SNTG1: variants seen among roughly 807,000 people sequenced by gnomAD.
SNTG1 encodes the protein syntrophin gamma 1.
Under a neutral mutation model 74.7 loss-of-function variants are expected in SNTG1, and 39 were observed. The ratio of observed to expected loss-of-function variants is 0.52; its 90% confidence interval spans 0.40 to 0.68. The LOEUF (loss-of-function observed/expected upper bound fraction) is 0.68, where lower values mean the gene tolerates loss of function less well. Among genes scored for constraint, SNTG1 ranks in the 30% least tolerant of loss-of-function variants. SNTG1 has a pLI of 0.00. For synonymous variants in SNTG1, 254 were observed against 217.1 expected (o/e 1.17, Z -1.49); for missense variants, 685 against 609.5 (o/e 1.12, Z -1.30).
At chr8:50,721,559 T>C (rs552667561) in intron 17 of SNTG1, among the ~76,000 whole-genome samples, 3 of 152,216 alleles carry the variant, frequency 2.0e-5, no homozygotes, top group Non-Finnish European at 1.5e-5. Context: ...TTTCCTCTAT[T>C]TTAAGAAAGA....
At chr8:50,048,980 A>T (rs1819333080) in intron 1 of SNTG1, among the ~76,000 whole-genome samples, 1 of 152,092 alleles carries the variant, frequency 6.6e-6, no homozygotes, top group Non-Finnish European at 1.5e-5. Context: ...TAGTGCATCA[A>T]TATTCTAAAC....
At chr8:49,943,958 T>C (rs1474247700) in intron 1 of SNTG1, among the ~76,000 whole-genome samples, 2 of 152,222 alleles carry the variant, frequency 1.3e-5, no homozygotes, top group Admixed American at 1.3e-4. Context: ...TTTAATCTCA[T>C]TATAGTTCAA....
At chr8:50,561,042 C>T (rs752523989) in intron 12 of SNTG1, among the ~76,000 whole-genome samples, 8 of 152,158 alleles carry the variant, frequency 5.3e-5, no homozygotes, top group Non-Finnish European at 1.2e-4. Flanking sequence ...TCTGTGTCCG[C>T]ATCCAAATCT....
intron 8 of SNTG1, among the ~76,000 whole-genome samples, chr8:50,461,151 T>C (rs2093557455): frequency 7.3e-6 from 1 of 136,072 alleles, no homozygotes; most frequent in African/African-American, 2.8e-5. Context: ...AGCTGAGATT[T>C]TTCTGGTGTG....
In SNTG1 at chr8:49,981,954, A is replaced by G. The variant is rs143255925; in HGVS notation, c.-103+69723A>G. Among the ~76,000 whole-genome samples the G allele has an allele frequency of 1.6e-3, 245 of 152,250 alleles. 1 individual carries two copies. Among genetic ancestry groups the G allele is most frequent in the African/African-American group, 5.5e-3 (228 of 41,550 alleles). On this transcript the variant is annotated intron_variant, in intron 1 of 18. Transcript: ENST00000642720. ...ATTTTTTGTTGTTGTGGGTGTGAAT[A>G]TTATTAATTTTTTACCGCAGGTCCT...
chr8:50,472,829 C>A (rs2093663804), intron 8 of SNTG1, among the ~76,000 whole-genome samples: 1 of 151,938 alleles, frequency 6.6e-6, no homozygotes, highest in Admixed American at 6.6e-5. Context: ...ACAACAACAA[C>A]AACAACAAAA....
intron 1 of SNTG1, among the ~76,000 whole-genome samples, chr8:50,069,699 C>T (rs1821199659): frequency 1.4e-5 from 2 of 144,272 alleles, no homozygotes; most frequent in Non-Finnish European, 3.0e-5. Flanking sequence ...CTGTGTTCTC[C>T]TTCCTCCTGA....
chr8:50,596,651 A>T (rs560254093), intron 13 of SNTG1, among the ~76,000 whole-genome samples: 2 of 152,164 alleles, frequency 1.3e-5, no homozygotes, highest in Non-Finnish European at 2.9e-5. Flanking sequence ...TTTGTATCTC[A>T]TGACACAAAT....
intron 2 of SNTG1, among the ~76,000 whole-genome samples, chr8:50,324,702 C>T (rs1176623661): frequency 3.3e-5 from 5 of 152,066 alleles, no homozygotes; most frequent in East Asian, 3.9e-4. Flanking sequence ...TATGGCTTCT[C>T]TTCTCATTTC....
chr8:49,958,060 G>T (rs1026305216), intron 1 of SNTG1, among the ~76,000 whole-genome samples: 2 of 152,168 alleles, frequency 1.3e-5, no homozygotes, highest in Admixed American at 1.3e-4. Flanking sequence ...CACAGTTAAA[G>T]ATTTAACTCT....
chr8:49,921,245 G>A (rs773170173), intron 1 of SNTG1, among the ~76,000 whole-genome samples: 5 of 152,014 alleles, frequency 3.3e-5, no homozygotes, highest in East Asian at 1.9e-4. Flanking sequence ...TAAAAGAGTC[G>A]TAGAAAGTGT....
At chr8:50,212,955 T>C (rs1398599394) in intron 2 of SNTG1, among the ~76,000 whole-genome samples, 1 of 152,216 alleles carries the variant, frequency 6.6e-6, no homozygotes, top group Non-Finnish European at 1.5e-5. Context: ...GCCTATGCGA[T>C]GGCAAACAGC....
chr8:50,171,028 A>C (rs1586574928), intron 1 of SNTG1, among the ~76,000 whole-genome samples: 1 of 151,954 alleles, frequency 6.6e-6, no homozygotes, highest in Non-Finnish European at 1.5e-5. Context: ...TTCAAAATTG[A>C]CTGATTTGGG....
intron 13 of SNTG1, among the ~76,000 whole-genome samples, chr8:50,623,422 A>G (rs1585875772): frequency 1.3e-5 from 2 of 152,182 alleles, no homozygotes; most frequent in South Asian, 2.1e-4. Context: ...TTTTTCTTCA[A>G]TTTATTTTCT....
intron 17 of SNTG1, among the ~76,000 whole-genome samples, chr8:50,724,648 A>G (rs1365672253): frequency 6.6e-6 from 1 of 152,172 alleles, no homozygotes; most frequent in Admixed American, 6.5e-5. Flanking sequence ...GTAGAGGATC[A>G]CAGTTTGTTG....
intron 18 of SNTG1, among the ~76,000 whole-genome samples, chr8:50,773,772 A>C (rs1029213561): frequency 1.3e-5 from 2 of 152,126 alleles, no homozygotes; most frequent in Non-Finnish European, 2.9e-5. Flanking sequence ...GCTTTCTTTG[A>C]GGAAAACCAG....
At chr8:50,585,157 A>G (rs2094639669) in intron 12 of SNTG1, among the ~76,000 whole-genome samples, 1 of 152,212 alleles carries the variant, frequency 6.6e-6, no homozygotes, top group Admixed American at 6.5e-5. Flanking sequence ...AGAGATGAAT[A>G]TAATTTATGA....
At chr8:50,570,591 G>GTTGTTGTTGTTGTTATTA (rs137977278) in intron 12 of SNTG1, among the ~76,000 whole-genome samples, 2 of 130,162 alleles carry the variant, frequency 1.5e-5, no homozygotes, top group African/African-American at 5.9e-5. Flanking sequence ...TATTATTGTT[G>GTTGTTGTTGTTGTTATTA]TTATTATTAT....
rs550824566 is a variant in SNTG1 at position 50,010,127 on chromosome 8, A to G, written c.-103+97896A>G. Among the ~76,000 whole-genome samples the G allele has an allele frequency of 4.6e-5, 7 of 152,316 alleles. No homozygotes were observed. The East Asian group carries it at 1.2e-3, about 25-fold the overall frequency. ...AGTTTGTTTTAAAAGAAAGCCACTA[A>G]CATGTATACAATTAAGGATTTTGCT... On this transcript the variant is annotated intron_variant, in intron 1 of 18. Transcript: ENST00000642720.
Sources: allele counts gnomAD v4.1 joint callset (sites outside exome capture counted in the v4.1 genomes callset), GRCh38; gene constraint gnomAD v4.1.1; transcripts MANE v1.5; gene names NCBI Gene and HGNC (gene_info 2026-07-23, HGNC 2026-07-21).